The following SASH1 variants were observed in gnomAD, a reference collection of about 807,000 sequenced individuals.
SASH1 encodes SAM and SH3 domain-containing protein 1.
In SASH1, 44 loss-of-function variants were observed where a neutral mutation model predicts 125.2. The ratio of observed to expected loss-of-function variants is 0.35; its 90% CI spans 0.28 to 0.45. The LOEUF (loss-of-function observed/expected upper bound fraction) is 0.45. SASH1 is among the 20% of genes least tolerant of loss of function. The pLI is 1.00. For missense variants in SASH1, 1,426 were observed against 1,614.5 expected (o/e 0.88, Z 2.00); for synonymous variants, 639 against 649.1 (o/e 0.98, Z 0.24).
intron 1 of SASH1, among the ~76,000 whole-genome samples, chr6:148,387,608 CTTT>C (rs1783471536): frequency 1.1e-4 from 2 of 18,088 alleles, no homozygotes; most frequent in African/African-American, 5.4e-4. Flanking sequence ...TTCTTTCTTT[CTTT>C]CTTTCTTTCT....
At chr6:148,435,085 A>G (rs1021354760) in intron 2 of SASH1, among the ~76,000 whole-genome samples, 1 of 152,092 alleles carries the variant, frequency 6.6e-6, no homozygotes, top group Non-Finnish European at 1.5e-5. Context: ...AAGCATTGCT[A>G]GGTGAGGTGG....
chr6:148,351,305 C>T (rs9377129), intron 1 of SASH1, among the ~76,000 whole-genome samples: 37,879 of 147,058 alleles, frequency 0.26, 5,684 homozygotes, highest in African/African-American at 0.43. Context: ...TTGGTGAAAA[C>T]GGAAATATAT....
In SASH1 at chr6:148,311,788, G is replaced by A. The variant is rs1409230648; in HGVS notation, n.74+39411G>A. 6.6e-5 allele frequency among the ~76,000 whole-genome samples: 10 copies of A among 152,276 alleles called. No individual in the cohort carries two copies. The South Asian group carries it at 8.3e-4, about 13-fold the overall frequency. On this transcript the variant is annotated intron_variant and non_coding_transcript_variant, in intron 1 of 3. Transcript: ENST00000367469. Reference sequence around the variant, plus strand: ...CATACCACTGCACTCCAGCCTGGGCGACAGGGCAAGACCTTGTCTCAGAAA... The same window carrying A: ...CATACCACTGCACTCCAGCCTGGGCAACAGGGCAAGACCTTGTCTCAGAAA...
Position 148,514,452 on chromosome 6 carries a change from T to A in SASH1, c.858T>A (p.Thr286=), listed in dbSNP as rs1443888827. The A allele has an allele frequency of 2.6e-6, 1 of 382,240 alleles. No individual in the cohort carries two copies. Among genetic ancestry groups the A allele is most frequent in the Non-Finnish European group, 3.6e-6 (1 of 278,122 alleles). The allele number at this position is 382,240 out of a possible 1,614,324, so 23.7% of individuals were successfully genotyped here. The change falls in exon 9 of 20, where the codon ACT becomes ACA. Residue 286 remains threonine (T), a synonymous_variant. Coordinates refer to ENST00000367467, the MANE Select transcript of SASH1 (RefSeq NM_015278.5). The part of the protein sequence containing the change: ...IRVEEMKKPS[T]EGGEEHVFEN... ...TGGAAGAAATGAAAAAACCCAGCAC[T>A]GAAGGTAAAAAAAAAAAAAAAAAAA... is the stretch of plus-strand genomic sequence containing the variant.
At chr6:148,441,077 A>G (rs192345556) in intron 4 of SASH1, among the ~76,000 whole-genome samples, 11 of 152,382 alleles carry the variant, frequency 7.2e-5, no homozygotes, top group Non-Finnish European at 1.6e-4. Context: ...TTATTGCATC[A>G]TCATTGTACT....
At chr6:148,378,066 T>TG (rs1192348052) in intron 1 of SASH1, among the ~76,000 whole-genome samples, 2 of 151,828 alleles carry the variant, frequency 1.3e-5, no homozygotes, top group Non-Finnish European at 2.9e-5. Context: ...TTTTTTTTTT[T>TG]TTTTGACGGA....
At chr6:148,380,140 C>G (rs1783076871) in intron 1 of SASH1, among the ~76,000 whole-genome samples, 1 of 152,160 alleles carries the variant, frequency 6.6e-6, no homozygotes, top group South Asian at 2.1e-4. Context: ...ATTGAGTTGT[C>G]TGGACTCCTG....
At chr6:148,287,132 C>T (rs2128507545) in intron 1 of SASH1, among the ~76,000 whole-genome samples, 1 of 152,286 alleles carries the variant, frequency 6.6e-6, no homozygotes, top group South Asian at 2.1e-4. Flanking sequence ...CTCCAGAATG[C>T]TCTCCTTCCT....
At chr6:148,439,600 A>G (rs1389932775) in intron 2 of SASH1, among the ~76,000 whole-genome samples, 1 of 152,162 alleles carries the variant, frequency 6.6e-6, no homozygotes, top group Non-Finnish European at 1.5e-5. Flanking sequence ...AACATAGTGA[A>G]ATCCCATCTC....
chr6:148,326,995 C>G, intron 1 of SASH1, among the ~76,000 whole-genome samples: 1 of 152,156 alleles, frequency 6.6e-6, no homozygotes, highest in East Asian at 1.9e-4. Flanking sequence ...TTTTACTTCC[C>G]CTACTGGCTG....
the SASH1 span, among the ~76,000 whole-genome samples, chr6:148,223,095 A>T: frequency 3.3e-5 from 5 of 152,288 alleles, no homozygotes; most frequent in East Asian, 9.6e-4. Flanking sequence ...GAACTCTCTT[A>T]AAAAAGACCC....
At chr6:148,266,023 A>G in the SASH1 span, among the ~76,000 whole-genome samples, 1 of 151,620 alleles carries the variant, frequency 6.6e-6, no homozygotes, top group Non-Finnish European at 1.5e-5. Context: ...CCCAGGCTAG[A>G]GTGCAATGGC....
At chr6:148,531,777 C>CTATT (rs1781533409) in intron 13 of SASH1, 116 bp downstream of exon 13, 1 of 820,988 alleles carries the variant, frequency 1.2e-6, no homozygotes, top group South Asian at 5.2e-5. Context: ...CCTTCAGGTG[C>CTATT]TATTAGAGAA....
At position 148,519,841 on chromosome 6, in the gene SASH1, G is replaced by A. The variant is rs770363005; in HGVS notation, c.1157G>A (p.Arg386His). The A allele has an allele frequency of 9.3e-6, 15 of 1,608,054 alleles. No homozygotes were observed. The highest frequency in any genetic ancestry group is 2.2e-5 in the South Asian group (2 of 90,322). The stretch of plus-strand genomic sequence containing the variant: ...GAAGAAAAGGCCCAGAAAGTGTCCC[G>A]CTCCCTCACCGAGGGGGAGATGAAG... ...PEEEKAQKVS[R>H]SLTEGEMKKG... Residue 386 changes from arginine (R) to histidine (H), a missense_variant, in exon 10 of 20, where the codon CGC (arginine) becomes CAC (histidine). Around this residue, in one of 3 missense-constraint regions of SASH1, gnomAD observed 567 missense variants for 575.6 expected, o/e 0.99. Transcript: ENST00000367467. This position sits in a 1 kb window ranked among gnomAD's most constrained non-coding sequence, Gnocchi z 4.8.
chr6:148,277,672 C>A (rs1341255438), intron 1 of SASH1, among the ~76,000 whole-genome samples: 1 of 152,184 alleles, frequency 6.6e-6, no homozygotes, highest in Non-Finnish European at 1.5e-5. Context: ...TTTTGAAGAA[C>A]CATCTATTTT....
intron 1 of SASH1, among the ~76,000 whole-genome samples, chr6:148,373,079 T>A (rs1782760493): frequency 1.3e-5 from 2 of 152,122 alleles, no homozygotes; most frequent in African/African-American, 4.8e-5. Context: ...TAATCCCAGC[T>A]ACTCGGGAGG....
chr6:148,500,296 A>G (rs1779511612), intron 8 of SASH1, among the ~76,000 whole-genome samples: 1 of 150,846 alleles, frequency 6.6e-6, no homozygotes, highest in Admixed American at 6.6e-5. Flanking sequence ...TGTTGCTACA[A>G]CCTGGCCATG....
the SASH1 span, among the ~76,000 whole-genome samples, chr6:148,224,287 C>G: frequency 1.3e-5 from 2 of 150,694 alleles, no homozygotes; most frequent in Non-Finnish European, 3.0e-5. Context: ...CTCCAAGCAA[C>G]AAAAAAAAGT....
intron 8 of SASH1, among the ~76,000 whole-genome samples, chr6:148,488,191 C>G (rs1337061158): frequency 1.3e-5 from 2 of 152,162 alleles, no homozygotes; most frequent in Non-Finnish European, 2.9e-5. Context: ...CTACTTTCTG[C>G]CCCTGTGAAT....
Sources: gnomAD v4.1 joint callset for allele counts (sites outside exome capture counted in the v4.1 genomes callset) on GRCh38, gnomAD v4.1.1 for gene constraint, gnomAD v4.1.1 regional missense constraint, Gnocchi (gnomAD v3.1) non-coding constraint, MANE v1.5 for transcripts, NCBI Gene and HGNC (gene_info 2026-07-23, HGNC 2026-07-21) for gene names.